Variants in GPATCH2 observed in about 807,000 individuals in gnomAD.
GPATCH2 encodes the protein G patch domain-containing protein 2.
Under a neutral mutation model 58.0 loss-of-function variants are expected in GPATCH2, and 51 were observed. That is an observed-to-expected ratio of 0.88 (90% CI 0.70 to 1.11). The LOEUF (loss-of-function observed/expected upper bound fraction) is 1.11. Ranked by LOEUF, GPATCH2 falls within the 50% of genes most tolerant of loss-of-function variation. The pLI, the probability that GPATCH2 is intolerant of heterozygous loss-of-function variation, is 0.00. For synonymous variants in GPATCH2, 222 were observed against 218.5 expected, an observed-to-expected ratio of 1.02 and a Z score of -0.14; for missense variants, 625 against 652.2, an observed-to-expected ratio of 0.96 and a Z score of 0.45.
At chr1:217,521,358 C>CAAAAAAAAAAAAAAAAAAAA in intron 5 of GPATCH2, among the ~76,000 whole-genome samples, 1 of 101,168 alleles carries the variant, frequency 9.9e-6, no homozygotes, top group Admixed American at 1.1e-4. Context: ...AGGGAGACTG[C>CAAAAAAAAAAAAAAAAAAAA]AAAAAAAAAA....
chr1:217,433,936 A>C (rs1199250953), intron 9 of GPATCH2, among the ~76,000 whole-genome samples: 1 of 152,210 alleles, frequency 6.6e-6, no homozygotes, highest in Non-Finnish European at 1.5e-5. Flanking sequence ...ACTATGGAGT[A>C]GTCATCAATT....
intron 8 of GPATCH2, among the ~76,000 whole-genome samples, chr1:217,480,643 T>C (rs891092731): frequency 3.3e-5 from 5 of 152,196 alleles, no homozygotes; most frequent in Admixed American, 6.5e-5. Flanking sequence ...CTGCTGGGTA[T>C]GTACCTAAAA....
Position 217,516,118 on chromosome 1 carries a change from T to G in GPATCH2, c.1099-1229A>C, listed in dbSNP as rs139325683. Among the ~76,000 whole-genome samples, 53 of 152,034 alleles carry G rather than the reference T, an allele frequency of 3.5e-4. No homozygotes were observed. In the East Asian group the frequency reaches 9.9e-3, roughly 28 times the overall value. On this transcript the variant is annotated intron_variant, in intron 5 of 9. Transcript: ENST00000366935. The stretch of plus-strand genomic sequence containing the variant: ...TTAGAATTTCACAACTTTCTTATCA[T>G]ATAGATGGTTCTCAAAGGGAACATA...
chr1:217,499,747 T>TA (rs1662204394), intron 6 of GPATCH2, among the ~76,000 whole-genome samples: 1 of 150,748 alleles, frequency 6.6e-6, no homozygotes, highest in African/African-American at 2.4e-5. Flanking sequence ...TTTTTTTTTT[T>TA]ATTTAAAGAC....
At chr1:217,463,134 T>C (rs1294303118) in intron 8 of GPATCH2, among the ~76,000 whole-genome samples, 2 of 152,118 alleles carry the variant, frequency 1.3e-5, no homozygotes, top group African/African-American at 2.4e-5. Context: ...AACTCTGCGG[T>C]TGAGATCATA....
intron 5 of GPATCH2, among the ~76,000 whole-genome samples, chr1:217,562,829 G>T (rs982615751): frequency 2.6e-5 from 4 of 152,086 alleles, no homozygotes; most frequent in Non-Finnish European, 5.9e-5. Flanking sequence ...TGTTGTAAAG[G>T]TTAACTAAGA....
intron 8 of GPATCH2, among the ~76,000 whole-genome samples, chr1:217,486,086 T>C (rs183752049): frequency 6.6e-6 from 1 of 152,352 alleles, no homozygotes; most frequent in East Asian, 1.9e-4. Flanking sequence ...GGGATTTTGA[T>C]TTAGATAGTA....
intron 5 of GPATCH2, chr1:217,609,236 C>T (rs1571647961): frequency 1.0e-6 from 1 of 983,958 alleles, no homozygotes; most frequent in Non-Finnish European, 1.2e-6. Context: ...TGAGCTCATG[C>T]AAGTATTTCT....
rs543261115 is a variant in GPATCH2 at position 217,583,675 on chromosome 1, C to T, written c.1098+26646G>A. On this transcript the variant is annotated intron_variant, in intron 5 of 9. Coordinates refer to ENST00000366935, the MANE Select transcript of GPATCH2 (RefSeq NM_018040.5). ...TAAGAACTGATTAAAGATAGGAATT[C>T]TCAGATACAGGAAGCACAACATAAA... 1.3e-4 allele frequency among the ~76,000 whole-genome samples: 20 copies of T among 149,890 alleles called. No individual in the cohort carries two copies. In the East Asian group the frequency reaches 3.7e-3, roughly 28 times the overall value.
intron 8 of GPATCH2, among the ~76,000 whole-genome samples, chr1:217,489,397 AACTG>A (rs144687221): frequency 0.1 from 15,721 of 152,214 alleles, 1,633 homozygotes; most frequent in African/African-American, 0.27. Context: ...TCAAATGCTT[AACTG>A]ACTAATGAAG....
At chr1:217,479,070 C>A (rs891546717) in intron 8 of GPATCH2, among the ~76,000 whole-genome samples, 1 of 152,040 alleles carries the variant, frequency 6.6e-6, no homozygotes, top group Non-Finnish European at 1.5e-5. Context: ...TAAAGGCTCT[C>A]CCAGACAAAC....
chr1:217,615,869 T>A (rs1160016061), intron 2 of GPATCH2, among the ~76,000 whole-genome samples: 1 of 152,158 alleles, frequency 6.6e-6, no homozygotes, highest in Non-Finnish European at 1.5e-5. Context: ...TGAATTGATG[T>A]GCTATTTTTT....
chr1:217,553,982 C>CA (rs890465232), intron 5 of GPATCH2, among the ~76,000 whole-genome samples: 4 of 151,758 alleles, frequency 2.6e-5, no homozygotes, highest in Non-Finnish European at 5.9e-5. Flanking sequence ...AGTGAACAAG[C>CA]AAAAAAAATC....
chr1:217,614,790 AT>A (rs780159713), intron 2 of GPATCH2, among the ~76,000 whole-genome samples: 27 of 151,416 alleles, frequency 1.8e-4, no homozygotes, highest in South Asian at 4.2e-4. Flanking sequence ...AAAAAAAAAA[AT>A]AATATTACAA....
At chr1:217,457,988 G>A (rs545714979) in intron 8 of GPATCH2, among the ~76,000 whole-genome samples, 3 of 152,284 alleles carry the variant, frequency 2.0e-5, no homozygotes, top group Non-Finnish European at 4.4e-5. Context: ...AGCACTTTGA[G>A]AGGCCGAGGC....
intron 5 of GPATCH2, among the ~76,000 whole-genome samples, chr1:217,539,205 G>A (rs1304989090): frequency 6.6e-6 from 1 of 151,942 alleles, no homozygotes. Flanking sequence ...AATATATTAA[G>A]GCTAATTTCA....
intron 8 of GPATCH2, among the ~76,000 whole-genome samples, chr1:217,481,999 A>G (rs1293009282): frequency 6.6e-6 from 1 of 152,222 alleles, no homozygotes; most frequent in African/African-American, 2.4e-5. Context: ...ATTCCTTACA[A>G]CAATGCTATG....
chr1:217,454,588 C>CAAAAAAAAA, intron 8 of GPATCH2, among the ~76,000 whole-genome samples: 1 of 59,614 alleles, frequency 1.7e-5, no homozygotes, highest in Non-Finnish European at 2.7e-5. Context: ...GACTCTGTCT[C>CAAAAAAAAA]AAAAAAAAAA....
At chr1:217,462,283 A>G (rs945894477) in intron 8 of GPATCH2, among the ~76,000 whole-genome samples, 1 of 152,194 alleles carries the variant, frequency 6.6e-6, no homozygotes, top group Non-Finnish European at 1.5e-5. Flanking sequence ...AGAAAAACAT[A>G]CAAGTCCCTA....
Sources: allele counts gnomAD v4.1 joint callset (sites outside exome capture counted in the v4.1 genomes callset), GRCh38; gene constraint gnomAD v4.1.1; transcripts MANE v1.5; gene names NCBI Gene and HGNC (gene_info 2026-07-23, HGNC 2026-07-21).